Variants in MTBP observed in about 807,000 individuals in gnomAD.
MTBP encodes the protein MDM2 binding protein.
A neutral mutation model predicts 117.0 loss-of-function variants in MTBP; 101 were observed. The ratio of observed to expected loss-of-function variants is 0.86; its 90% CI spans 0.73 to 1.02. The LOEUF is 1.02. Ranked by LOEUF, MTBP falls within the 50% of genes least tolerant of loss-of-function variation. The pLI, the probability that MTBP is intolerant of heterozygous loss-of-function variation, is 0.00. For missense variants in MTBP, 970 were observed against 1,030.9 expected (o/e 0.94, Z 0.81); for synonymous variants, 350 against 351.5 (o/e 1.00, Z 0.05).
intron 10 of MTBP, among the ~76,000 whole-genome samples, chr8:120,466,069 T>C (rs951067267): frequency 2.6e-5 from 4 of 152,102 alleles, no homozygotes; most frequent in African/African-American, 9.7e-5. Flanking sequence ...TAGTAAGAAA[T>C]AGAGACTTTA....
At chr8:120,509,095 C>G (rs1385292859) in intron 16 of MTBP, among the ~76,000 whole-genome samples, 1 of 152,160 alleles carries the variant, frequency 6.6e-6, no homozygotes, top group South Asian at 2.1e-4. Context: ...TCTATACCCT[C>G]TGATATTTAA....
At chr8:120,482,631 C>T (rs1814110077) in intron 11 of MTBP, among the ~76,000 whole-genome samples, 1 of 151,772 alleles carries the variant, frequency 6.6e-6, no homozygotes, top group African/African-American at 2.4e-5. Context: ...TTTATAAATC[C>T]TGTGTTTTTA....
At chr8:120,511,035 T>A (rs1264808361) in intron 17 of MTBP, among the ~76,000 whole-genome samples, 2 of 152,146 alleles carry the variant, frequency 1.3e-5, no homozygotes, top group African/African-American at 4.8e-5. Context: ...AATGGTAAGA[T>A]AAGATTTTTA....
At chr8:120,507,632 G>A (rs766228866) in intron 16 of MTBP, among the ~76,000 whole-genome samples, 1 of 152,088 alleles carries the variant, frequency 6.6e-6, no homozygotes, top group Non-Finnish European at 1.5e-5. Context: ...CTTTAAAGGT[G>A]AATTTTGCAA....
In MTBP at chr8:120,510,639, C is replaced by T. The variant is rs867906256; in HGVS notation, c.1979+610C>T. Among the ~76,000 whole-genome samples, 10 of 152,194 alleles carry T rather than the reference C, an allele frequency of 6.6e-5. No individual in the cohort carries two copies. The South Asian group carries it at 1.9e-3, about 28-fold the overall frequency. ...ATTTGAGGCCAGACACGGTGGCTAA[C>T]GCCTGTAATCCCAACACTTTGAGAA... On this transcript the variant is annotated intron_variant, in intron 17 of 21. Transcript: ENST00000305949.
chr8:120,518,473 T>C (rs921737583), intron 19 of MTBP, among the ~76,000 whole-genome samples: 54 of 151,978 alleles, frequency 3.6e-4, no homozygotes, highest in Non-Finnish European at 1.0e-4. Context: ...ATGATTTGAG[T>C]TCCTTTCTTA....
intron 13 of MTBP, among the ~76,000 whole-genome samples, chr8:120,491,570 A>C (rs1285935596): frequency 6.6e-6 from 1 of 152,194 alleles, no homozygotes; most frequent in Non-Finnish European, 1.5e-5. Flanking sequence ...ACAAATACAT[A>C]AATACATACA....
intron 11 of MTBP, among the ~76,000 whole-genome samples, chr8:120,485,184 C>T (rs915544584): frequency 5.3e-5 from 8 of 152,108 alleles, no homozygotes; most frequent in African/African-American, 1.2e-4. Flanking sequence ...TGCTGGGCTT[C>T]GTCTTTTTTT....
At chr8:120,479,605 T>A (rs1333639519) in intron 11 of MTBP, among the ~76,000 whole-genome samples, 3 of 152,252 alleles carry the variant, frequency 2.0e-5, no homozygotes, top group Non-Finnish European at 4.4e-5. Context: ...ACTAAATGAA[T>A]CTCAGTAAAT....
intron 11 of MTBP, among the ~76,000 whole-genome samples, chr8:120,475,201 C>T (rs1445891218): frequency 6.6e-6 from 1 of 151,730 alleles, no homozygotes; most frequent in Non-Finnish European, 1.5e-5. Context: ...ACCTTTTTTG[C>T]CAGCCCATCT....
chr8:120,511,139 C>T (rs1294608532), intron 17 of MTBP, among the ~76,000 whole-genome samples: 1 of 152,060 alleles, frequency 6.6e-6, no homozygotes, highest in Non-Finnish European at 1.5e-5. Flanking sequence ...TTTAGTTCTG[C>T]TATTTGACTA....
intron 7 of MTBP, among the ~76,000 whole-genome samples, chr8:120,457,629 A>T (rs1199761516): frequency 1.3e-5 from 2 of 152,170 alleles, no homozygotes; most frequent in African/African-American, 4.8e-5. Context: ...GTATAAAGAA[A>T]TCCCACATAG....
At chr8:120,445,995 T>C (rs909076691) in intron 1 of MTBP, among the ~76,000 whole-genome samples, 2 of 152,344 alleles carry the variant, frequency 1.3e-5, no homozygotes, top group Admixed American at 1.3e-4. Flanking sequence ...ATCCCACATA[T>C]AACCTAAGTT....
rs531000089 is a variant in MTBP, at chr8:120,456,729, T to G, written c.747+59T>G. 6.4e-5 allele frequency: 54 copies of G among 839,026 alleles called. No individual in the cohort carries two copies. In the African/African-American group the frequency reaches 8.2e-4, roughly 13 times the overall value. The allele number at this position is 839,026 out of a possible 1,614,324, so 52.0% of individuals were successfully genotyped here. ...CTTTCAATTTTATTTACAACACAGA[T>G]ATTTAAATAAATCTTAATGAAAATG... On this transcript the variant is annotated intron_variant, in intron 7 of 21. Transcript: ENST00000305949.
intron 13 of MTBP, among the ~76,000 whole-genome samples, chr8:120,493,233 G>A (rs1361193581): frequency 6.6e-6 from 1 of 152,080 alleles, no homozygotes; most frequent in African/African-American, 2.4e-5. Context: ...TTAGTCCAAT[G>A]TTTTTCTCTC....
intron 13 of MTBP, among the ~76,000 whole-genome samples, chr8:120,493,196 A>G (rs1227585184): frequency 6.6e-6 from 1 of 152,158 alleles, no homozygotes; most frequent in East Asian, 1.9e-4. Context: ...GGAAAATAGC[A>G]TTCTTATGCT....
intron 10 of MTBP, among the ~76,000 whole-genome samples, chr8:120,469,516 C>G (rs986367042): frequency 6.6e-6 from 1 of 152,142 alleles, no homozygotes; most frequent in Non-Finnish European, 1.5e-5. Flanking sequence ...CTTCAAGGCT[C>G]TCGTCTCCTT....
chr8:120,498,358 C>T (rs1307452012), intron 14 of MTBP, among the ~76,000 whole-genome samples: 1 of 152,068 alleles, frequency 6.6e-6, no homozygotes, highest in Non-Finnish European at 1.5e-5. Flanking sequence ...ATATCAGTAC[C>T]CAAGTTAAAT....
chr8:120,451,125 A>C, intron 3 of MTBP, 46 bp from the exon 4 acceptor site: 1 of 1,582,162 alleles, frequency 6.3e-7, no homozygotes, highest in Non-Finnish European at 8.6e-7. Context: ...TACTAATATA[A>C]ATAATTTCAT....
Sources: gnomAD v4.1 joint callset for allele counts (sites outside exome capture counted in the v4.1 genomes callset) on GRCh38, gnomAD v4.1.1 for gene constraint, MANE v1.5 for transcripts, NCBI Gene and HGNC (gene_info 2026-07-23, HGNC 2026-07-21) for gene names.